Variants in ARHGAP23 observed in about 807,000 individuals in gnomAD.
ARHGAP23 encodes rho GTPase-activating protein 23.
A neutral mutation model predicts 136.3 loss-of-function variants in ARHGAP23; 34 were observed. The ratio of observed to expected loss-of-function variants is 0.25; its 90% CI spans 0.19 to 0.33. ARHGAP23 has a LOEUF of 0.33. Among genes scored for constraint, ARHGAP23 ranks in the 10% least tolerant of loss-of-function variants. The pLI is 1.00. For missense variants in ARHGAP23, 1,808 were observed against 2,139.0 expected (o/e 0.85, Z 3.05); for synonymous variants, 832 against 920.5 (o/e 0.90, Z 1.74).
At chr17:38,441,314 T>C (rs996243623) in intron 1 of ARHGAP23, among the ~76,000 whole-genome samples, 1 of 152,224 alleles carries the variant, frequency 6.6e-6, no homozygotes, top group African/African-American at 2.4e-5. Context: ...GCACTATTCA[T>C]AGCTCAGGGC....
chr17:38,491,465 A>G lies in ARHGAP23; in HGVS notation c.3209A>G (p.Asp1070Gly). Residue 1070 changes from aspartate to glycine, a missense_variant, in exon 20 of 24, where the codon GAC becomes GGC. Around this residue, in one of 7 missense-constraint regions of ARHGAP23, gnomAD observed 22 missense variants for 67.5 expected, o/e 0.33. Coordinates refer to ENST00000622683, the MANE Select transcript of ARHGAP23 (RefSeq NM_001199417.2). ...CCGACACTGGTGAGGACGTCTGAGGACAACATGACAGACATGGTGACCCAC... is the reference window on the plus strand; with the variant it reads ...CCGACACTGGTGAGGACGTCTGAGGGCAACATGACAGACATGGTGACCCAC... The part of the protein sequence containing the change: ...FGPTLVRTSE[D>G]NMTDMVTHMP... 1 of 1,549,586 alleles carries G rather than the reference A, an allele frequency of 6.5e-7. No individual in the cohort carries two copies. Among genetic ancestry groups the G allele is most frequent in the Non-Finnish European group, 8.7e-7 (1 of 1,146,830 alleles).
At chr17:38,442,935 G>A (rs1041308331) in intron 1 of ARHGAP23, among the ~76,000 whole-genome samples, 1 of 152,202 alleles carries the variant, frequency 6.6e-6, no homozygotes, top group Non-Finnish European at 1.5e-5. Context: ...AGACATCTAG[G>A]AAGCAGAGTC....
At chr17:38,475,304 TCA>T (rs1292198867) in intron 11 of ARHGAP23, among the ~76,000 whole-genome samples, 1 of 152,234 alleles carries the variant, frequency 6.6e-6, no homozygotes, top group Non-Finnish European at 1.5e-5. Flanking sequence ...ACCAACTCTC[TCA>T]CTCATTTACC....
chr17:38,479,703 C>T, intron 13 of ARHGAP23, 50 bp from the exon 14 acceptor site: 2 of 1,461,272 alleles, frequency 1.4e-6, no homozygotes, highest in Non-Finnish European at 1.8e-6. Flanking sequence ...GGGTGGCCTG[C>T]TTGGCCACCC....
intron 1 of ARHGAP23, among the ~76,000 whole-genome samples, chr17:38,421,105 A>G (rs2038516485): frequency 6.6e-6 from 1 of 152,168 alleles, no homozygotes; most frequent in Admixed American, 6.5e-5. Context: ...CCCCTTTCCC[A>G]GAGGACAGAC....
intron 20 of ARHGAP23, among the ~76,000 whole-genome samples, chr17:38,496,169 A>T (rs1431507409): frequency 6.6e-6 from 1 of 152,162 alleles, no homozygotes; most frequent in Non-Finnish European, 1.5e-5. Flanking sequence ...AAGTGCTGGG[A>T]TTACAGATGT....
chr17:38,463,524 G>A, intron 6 of ARHGAP23, 142 bp downstream of exon 6: 2 of 1,040,018 alleles, frequency 1.9e-6, no homozygotes, highest in Admixed American at 2.1e-5. Flanking sequence ...CCCTGGGCTG[G>A]GGCTGGTTGT....
chr17:38,441,945 C>T (rs2038930560), intron 1 of ARHGAP23, among the ~76,000 whole-genome samples: 1 of 151,860 alleles, frequency 6.6e-6, no homozygotes, highest in Admixed American at 6.6e-5. Flanking sequence ...CCCTTTTTCC[C>T]CACCCCTTTC....
chr17:38,474,342 A>C (rs2039838656), intron 11 of ARHGAP23, among the ~76,000 whole-genome samples: 1 of 152,164 alleles, frequency 6.6e-6, no homozygotes, highest in Non-Finnish European at 1.5e-5. Context: ...GACCCAAGGC[A>C]GTGGTGTGAG....
chr17:38,466,781 G>A lies in ARHGAP23; in HGVS notation c.1098G>A (p.Gly366=). The A allele has an allele frequency of 2.6e-6, 4 of 1,549,284 alleles. No homozygotes were observed. The highest frequency in any genetic ancestry group is 2.6e-6 in the Non-Finnish European group (3 of 1,146,428). ...CCACCCGTTCTGCCGAGGCACTGGG[G>A]CCAGGGGCACTGGTGTCACCCCGCT... ...SRATRSAEAL[G]PGALVSPRFE... is the part of the protein sequence containing the mutation. The change falls in exon 7 of 24, where the codon GGG becomes GGA. Residue 366 remains glycine, a synonymous_variant. Transcript: ENST00000622683.
Position 38,510,327 on chromosome 17 carries a change from C to A in ARHGAP23, c.3831C>A (p.Asp1277Glu). 1 of 1,257,624 alleles carries A rather than the reference C, an allele frequency of 8.0e-7. No individual in the cohort carries two copies. The highest frequency in any genetic ancestry group is 3.2e-5 in the South Asian group (1 of 31,666). The allele number at this position is 1,257,624 out of a possible 1,614,324, so 77.9% of individuals were successfully genotyped here. A position where few individuals can be genotyped will look rare whatever the true frequency, so the allele number is the denominator to read the frequency against. The change falls in exon 24 of 24, where the codon GAC (aspartate) becomes GAA (glutamate). Residue 1277 changes from aspartate to glutamate, a missense_variant. Coordinates refer to ENST00000622683, the MANE Select transcript of ARHGAP23 (RefSeq NM_001199417.2). The surrounding 1 kb of genome is among the most constrained non-coding windows in gnomAD (Gnocchi z 4.6). ...RRAGAGDEAD[D>E]ERSELSHVET... The stretch of plus-strand genomic sequence containing the variant: ...CAGGGGCGGGGGATGAGGCGGACGA[C>A]GAGCGTAGCGAGCTGAGCCACGTGG...
At chr17:38,499,016 T>G (rs2040460373) in intron 22 of ARHGAP23, 1 of 698,130 alleles carries the variant, frequency 1.4e-6, no homozygotes. Flanking sequence ...GAAGGCTGGG[T>G]GGGCACAGCG....
At chr17:38,436,389 A>AC (rs200062529) in intron 1 of ARHGAP23, among the ~76,000 whole-genome samples, 149 of 132,254 alleles carry the variant, frequency 1.1e-3, no homozygotes, top group African/African-American at 3.1e-3. Flanking sequence ...AGCTACCCCT[A>AC]CCCCCCCAAA....
intron 14 of ARHGAP23, among the ~76,000 whole-genome samples, chr17:38,481,742 G>C (rs1294226642): frequency 6.6e-6 from 1 of 152,176 alleles, no homozygotes; most frequent in Admixed American, 6.5e-5. Context: ...CTGAGCGACA[G>C]AGACTCTATC....
intron 2 of ARHGAP23, among the ~76,000 whole-genome samples, chr17:38,460,090 A>G (rs1315372872): frequency 6.6e-6 from 1 of 152,182 alleles, no homozygotes; most frequent in Non-Finnish European, 1.5e-5. Flanking sequence ...CTAAAATGCC[A>G]CATCCAGCTG....
chr17:38,445,074 T>G lies in ARHGAP23; in HGVS notation c.64-13028T>G, dbSNP rs568229158. ...CTCAGGTGATCCAACTGCCTCGGCC[T>G]TCCAAAGTGCTGGGATTACAGGCCT... On this transcript the variant is annotated intron_variant, in intron 1 of 23. Coordinates refer to ENST00000622683, the MANE Select transcript of ARHGAP23 (RefSeq NM_001199417.2). 7.9e-5 allele frequency among the ~76,000 whole-genome samples: 12 copies of G among 152,136 alleles called. No individual in the cohort carries two copies. In the South Asian group the frequency reaches 1.0e-3, roughly 13 times the overall value.
rs571871312 is a variant in ARHGAP23 at position 38,489,173 on chromosome 17, C to T, written c.2987-929C>T. On this transcript the variant is annotated intron_variant, in intron 17 of 23. Coordinates refer to ENST00000622683, the MANE Select transcript of ARHGAP23 (RefSeq NM_001199417.2). ...GGGATTACAGATGTGAGCCACTGTG[C>T]CTGGCCGAAAACAATTGTTTAAAAT... 3.9e-5 allele frequency among the ~76,000 whole-genome samples: 6 copies of T among 152,348 alleles called. No individual in the cohort carries two copies. The South Asian group carries it at 1.2e-3, about 32-fold the overall frequency.
At chr17:38,462,098 G>A (rs1248448367) in intron 3 of ARHGAP23, among the ~76,000 whole-genome samples, 1 of 145,920 alleles carries the variant, frequency 6.9e-6, no homozygotes, top group African/African-American at 2.6e-5. Flanking sequence ...GATTACAGGT[G>A]CCCGCCACCG....
intron 1 of ARHGAP23, among the ~76,000 whole-genome samples, chr17:38,421,347 T>C (rs2038518417): frequency 6.6e-6 from 1 of 152,226 alleles, no homozygotes; most frequent in Admixed American, 6.5e-5. Context: ...TCCCCTGGAC[T>C]GTGAGGTCCC....
Sources: gnomAD v4.1 joint callset for allele counts (sites outside exome capture counted in the v4.1 genomes callset) on GRCh38, gnomAD v4.1.1 for gene constraint, gnomAD v4.1.1 regional missense constraint, Gnocchi (gnomAD v3.1) non-coding constraint, MANE v1.5 for transcripts, NCBI Gene and HGNC (gene_info 2026-07-23, HGNC 2026-07-21) for gene names.